RNF170: variants seen among roughly 807,000 people sequenced by gnomAD.
RNF170 encodes ring finger protein 170, also known as E3 ubiquitin-protein ligase RNF170.
In RNF170, 12 loss-of-function variants were observed where a neutral mutation model predicts 32.7. The observed-to-expected ratio is 0.37, with a 90% CI of 0.24 to 0.60. The LOEUF (loss-of-function observed/expected upper bound fraction) is 0.60, where lower values mean the gene tolerates loss of function less well. RNF170 is among the 20% of genes least tolerant of loss of function. The pLI is 0.72. For missense variants in RNF170, 212 were observed against 311.2 expected, an observed-to-expected ratio of 0.68 and a Z score of 2.40; for synonymous variants, 91 against 103.6, an observed-to-expected ratio of 0.88 and a Z score of 0.74.
At chr8:42,888,213 G>A (rs1385708120) in intron 1 of RNF170, among the ~76,000 whole-genome samples, 1 of 151,656 alleles carries the variant, frequency 6.6e-6, no homozygotes, top group Non-Finnish European at 1.5e-5. Context: ...CTACAGGCGC[G>A]CACCACTACG....
intron 1 of RNF170, among the ~76,000 whole-genome samples, chr8:42,894,088 G>A (rs1806539687): frequency 6.6e-6 from 1 of 152,202 alleles, no homozygotes; most frequent in Admixed American, 6.5e-5. Context: ...CAAGGCTTAC[G>A]TAGAAACTCA....
chr8:42,863,388 T>C (rs1803804501), intron 5 of RNF170, among the ~76,000 whole-genome samples: 1 of 152,104 alleles, frequency 6.6e-6, no homozygotes, highest in Non-Finnish European at 1.5e-5. Flanking sequence ...GTTTGGATGT[T>C]GCTGACCGAG....
In RNF170 at chr8:42,855,832, A is replaced by G. The variant is rs1219203372; in HGVS notation, c.*327T>C. On this transcript the variant is annotated 3_prime_UTR_variant, in exon 7 of 7. Coordinates refer to ENST00000527424, the MANE Select transcript of RNF170 (RefSeq NM_030954.4). Reference sequence around the variant, plus strand: ...GACATTTAACAATATTTTACTATACATCTAATTAATCTAAGTAATTCTGGG... The same window carrying G: ...GACATTTAACAATATTTTACTATACGTCTAATTAATCTAAGTAATTCTGGG... 3.3e-6 allele frequency: 4 copies of G among 1,202,482 alleles called. No homozygotes were observed. The highest frequency in any genetic ancestry group is 4.3e-6 in the Non-Finnish European group (4 of 923,274). 74.5% of individuals were successfully genotyped at this position (1,202,482 alleles called of 1,614,324 possible).
chr8:42,894,005 C>T (rs541285481), intron 1 of RNF170, among the ~76,000 whole-genome samples: 1 of 152,144 alleles, frequency 6.6e-6, no homozygotes, highest in Non-Finnish European at 1.5e-5. Context: ...ATAAAACACA[C>T]AGAGAAAATA....
In RNF170 at chr8:42,853,306, T is replaced by C. The variant is rs1802996161; in HGVS notation, c.*2853A>G. 8.4e-7 allele frequency: 1 copy of C among 1,188,100 alleles called. No homozygotes were observed. The highest frequency in any genetic ancestry group is 1.5e-5 in the South Asian group (1 of 65,086). The allele number at this position is 1,188,100 out of a possible 1,614,324, so 73.6% of individuals were successfully genotyped here. ...GAAAAATAACACCTTTAAAATGTTT[T>C]AGATATGTTGCTTTTATTCAAAAGA... On this transcript the variant is annotated 3_prime_UTR_variant, in exon 7 of 7. Transcript: ENST00000527424.
chr8:42,868,996 A>G (rs1209816059), intron 4 of RNF170, among the ~76,000 whole-genome samples: 1 of 152,162 alleles, frequency 6.6e-6, no homozygotes, highest in Non-Finnish European at 1.5e-5. Context: ...TTGCAGGCTC[A>G]AGCTCCTGGG....
chr8:42,853,308 G>T lies in RNF170; in HGVS notation c.*2851C>A. 1 of 1,190,384 alleles carries T rather than the reference G, an allele frequency of 8.4e-7. No homozygotes were observed. Among genetic ancestry groups the T allele is most frequent in the Non-Finnish European group, 1.1e-6 (1 of 937,338 alleles). The allele number at this position is 1,190,384 out of a possible 1,614,324, so 73.7% of individuals were successfully genotyped here. On this transcript the variant is annotated 3_prime_UTR_variant, in exon 7 of 7. Transcript: ENST00000527424. ...AAAATAACACCTTTAAAATGTTTTA[G>T]ATATGTTGCTTTTATTCAAAAGAAT...
intron 2 of RNF170, among the ~76,000 whole-genome samples, chr8:42,883,698 A>T (rs552208081): frequency 2.4e-4 from 37 of 152,150 alleles, no homozygotes; most frequent in African/African-American, 8.4e-4. Flanking sequence ...TGACCAGCAT[A>T]GTGAGAACCT....
rs1273169301 is a variant in RNF170, at chr8:42,887,660, C to A, written c.137+68G>T. The A allele has an allele frequency of 1.2e-5, 17 of 1,374,712 alleles. No individual in the cohort carries two copies. The African/African-American group carries it at 2.0e-4, about 16-fold the overall frequency. The allele number at this position is 1,374,712 out of a possible 1,614,324, so 85.2% of individuals were successfully genotyped here. Reference sequence around the variant, plus strand: ...CTTGCTGTTCATATTAAGTATTATACATTATTAGGGGTCAAAAAGTCAGCA... The same window carrying A: ...CTTGCTGTTCATATTAAGTATTATAAATTATTAGGGGTCAAAAAGTCAGCA... On this transcript the variant is annotated intron_variant, in intron 2 of 6. Transcript: ENST00000527424.
At chr8:42,860,166 T>C (rs528188957) in intron 6 of RNF170, among the ~76,000 whole-genome samples, 1 of 152,292 alleles carries the variant, frequency 6.6e-6, no homozygotes, top group South Asian at 2.1e-4. Context: ...AGCGAAGCAG[T>C]TGGATCTACA....
At chr8:42,880,607 T>C (rs1355510036) in intron 2 of RNF170, among the ~76,000 whole-genome samples, 1 of 151,996 alleles carries the variant, frequency 6.6e-6, no homozygotes, top group African/African-American at 2.4e-5. Context: ...CCATCTCTAT[T>C]AAAAATACAA....
At chr8:42,882,534 C>T (rs184893639) in intron 2 of RNF170, among the ~76,000 whole-genome samples, 75 of 152,030 alleles carry the variant, frequency 4.9e-4, no homozygotes, top group African/African-American at 1.7e-3. Context: ...TATTATTTAG[C>T]GATAAAAAAG....
At chr8:42,875,836 A>G (rs1282485590) in intron 2 of RNF170, among the ~76,000 whole-genome samples, 1 of 152,200 alleles carries the variant, frequency 6.6e-6, no homozygotes, top group Non-Finnish European at 1.5e-5. Flanking sequence ...CGGCCTCCCA[A>G]AGTGTGGAGA....
Position 42,861,813 on chromosome 8 carries a change from G to GGT in RNF170, c.438_439insAC (p.Gln147ThrfsTer5), listed in dbSNP as rs1257345061. On this transcript the variant is annotated frameshift_variant, in exon 6 of 7. Coordinates refer to ENST00000527424, the MANE Select transcript of RNF170 (RefSeq NM_030954.4). LOFTEE classifies it high-confidence loss of function. ...TCCTGATGCAATCTCAGAACATCCT[G>GGT]AGACTGATCATCTTCACCAAATACT... The GGT allele has an allele frequency of 3.1e-6, 5 of 1,613,830 alleles. No homozygotes were observed. The Admixed American group carries it at 8.3e-5, about 27-fold the overall frequency.
At chr8:42,889,664 C>T (rs1455476173) in intron 1 of RNF170, among the ~76,000 whole-genome samples, 1 of 152,068 alleles carries the variant, frequency 6.6e-6, no homozygotes, top group East Asian at 1.9e-4. Flanking sequence ...ACGGACTAAT[C>T]GCCTGATATA....
At chr8:42,894,676 TGCCTCA>T (rs1382922569) in intron 1 of RNF170, among the ~76,000 whole-genome samples, 2 of 152,106 alleles carry the variant, frequency 1.3e-5, no homozygotes, top group African/African-American at 4.8e-5. Flanking sequence ...GCGATTCTCC[TGCCTCA>T]GCCTCCCGAG....
chr8:42,873,022 G>C (rs1376142259), intron 3 of RNF170, among the ~76,000 whole-genome samples: 1 of 152,104 alleles, frequency 6.6e-6, no homozygotes, highest in African/African-American at 2.4e-5. Context: ...AGCCTCCTGA[G>C]TAGCTGGGAC....
chr8:42,863,661 T>TG (rs1300338418), intron 5 of RNF170, among the ~76,000 whole-genome samples: 1 of 152,158 alleles, frequency 6.6e-6, no homozygotes, highest in Non-Finnish European at 1.5e-5. Context: ...AAGATGGTCT[T>TG]GATCTCTTGA....
intron 2 of RNF170, among the ~76,000 whole-genome samples, chr8:42,884,470 AT>A (rs1246685329): frequency 6.6e-6 from 1 of 151,974 alleles, no homozygotes; most frequent in Non-Finnish European, 1.5e-5. Flanking sequence ...AGACAGTTTT[AT>A]TGTCCAAGAG....
Sources: gnomAD v4.1 joint callset for allele counts (sites outside exome capture counted in the v4.1 genomes callset) on GRCh38, gnomAD v4.1.1 for gene constraint, MANE v1.5 for transcripts, NCBI Gene and HGNC (gene_info 2026-07-23, HGNC 2026-07-21) for gene names.